SP4: variants seen among roughly 807,000 people sequenced by gnomAD.
SP4 encodes Sp4 transcription factor.
In SP4, 19 loss-of-function variants were observed where a neutral mutation model predicts 72.8. The observed-to-expected ratio is 0.26, with a 90% CI of 0.18 to 0.38. The LOEUF (loss-of-function observed/expected upper bound fraction) is 0.38. SP4 is among the 10% of genes least tolerant of loss of function. The pLI is 1.00. For missense variants in SP4, 1,008 were observed against 926.3 expected, an observed-to-expected ratio of 1.09 and a Z score of -1.14; for synonymous variants, 395 against 333.1, an observed-to-expected ratio of 1.19 and a Z score of -2.02.
intron 5 of SP4, among the ~76,000 whole-genome samples, chr7:21,500,158 TCA>T (rs917332749): frequency 6.6e-6 from 1 of 152,218 alleles, no homozygotes; most frequent in Non-Finnish European, 1.5e-5. Flanking sequence ...TTTCCTATAC[TCA>T]GTTTATTAAA....
chr7:21,456,887 G>C (rs1452039079), intron 3 of SP4, among the ~76,000 whole-genome samples: 1 of 152,214 alleles, frequency 6.6e-6, no homozygotes, highest in African/African-American at 2.4e-5. Context: ...CTATCTGTCA[G>C]GGTGAACTGA....
intron 1 of SP4, 88 bp from the exon 2 acceptor site, chr7:21,428,589 A>C: frequency 5.1e-6 from 6 of 1,166,342 alleles, no homozygotes; most frequent in Non-Finnish European, 7.2e-6. Flanking sequence ...GTTCGGGGGG[A>C]GGGGGGAGAA....
chr7:21,470,752 A>G (rs1310568341), intron 3 of SP4, among the ~76,000 whole-genome samples: 1 of 146,964 alleles, frequency 6.8e-6, no homozygotes, highest in African/African-American at 2.5e-5. Context: ...ATATTTGGAA[A>G]AAAAAAAAAA....
In SP4 at chr7:21,430,254, A is replaced by C. The variant is rs750232765; in HGVS notation, c.1089A>C (p.Gln363His). 21 of 1,614,214 alleles carry C rather than the reference A, an allele frequency of 1.3e-5. No individual in the cohort carries two copies. In the South Asian group the frequency reaches 2.1e-4, roughly 16 times the overall value. Residue 363 changes from glutamine (Q) to histidine (H), a missense_variant, in exon 3 of 6, where the codon CAA becomes CAC. Gln to His is a conservative substitution (Grantham distance 24). Transcript: ENST00000222584. ...CTGAACGCACCATTGAAGAATCTCA[A>C]ACACCTGCTGCTACTGAGTCTGAAG... ...SSSERTIEES[Q>H]TPAATESEAQ...
intron 5 of SP4, among the ~76,000 whole-genome samples, chr7:21,501,830 T>C (rs1781869447): frequency 6.6e-6 from 1 of 152,226 alleles, no homozygotes; most frequent in African/African-American, 2.4e-5. Context: ...TAGTATCATG[T>C]CTAGCGCAAG....
chr7:21,490,243 G>A (rs1220904068), intron 5 of SP4, among the ~76,000 whole-genome samples: 1 of 152,118 alleles, frequency 6.6e-6, no homozygotes, highest in African/African-American at 2.4e-5. Flanking sequence ...TTGTCTCCCA[G>A]GTTTAACCCT....
chr7:21,442,666 AG>A (rs1382040832), intron 3 of SP4, among the ~76,000 whole-genome samples: 1 of 152,234 alleles, frequency 6.6e-6, no homozygotes, highest in Non-Finnish European at 1.5e-5. Context: ...TTACCATATC[AG>A]AAGGAAGAAA....
At chr7:21,454,911 C>G (rs963510793) in intron 3 of SP4, among the ~76,000 whole-genome samples, 3 of 152,188 alleles carry the variant, frequency 2.0e-5, no homozygotes, top group Admixed American at 1.3e-4. Context: ...CCCCCATTAC[C>G]TGACAGGATT....
At chr7:21,461,605 C>T (rs529307819) in intron 3 of SP4, among the ~76,000 whole-genome samples, 11 of 152,318 alleles carry the variant, frequency 7.2e-5, no homozygotes, top group South Asian at 4.1e-4. Flanking sequence ...CGCGCAGCCC[C>T]GGTTGCCACC....
At chr7:21,459,825 T>C in intron 3 of SP4, among the ~76,000 whole-genome samples, 1 of 152,234 alleles carries the variant, frequency 6.6e-6, no homozygotes, top group East Asian at 1.9e-4. Flanking sequence ...ATTCCTTAAA[T>C]TCCTACTAAG....
intron 3 of SP4, among the ~76,000 whole-genome samples, chr7:21,470,788 A>G (rs1435600313): frequency 6.6e-6 from 1 of 151,710 alleles, no homozygotes; most frequent in Non-Finnish European, 1.5e-5. Context: ...AAAAAGGAAT[A>G]AGAAAGATGG....
chr7:21,467,498 G>A (rs895719816), intron 3 of SP4, among the ~76,000 whole-genome samples: 35 of 151,980 alleles, frequency 2.3e-4, no homozygotes, highest in African/African-American at 8.0e-4. Context: ...ACCCTTATTA[G>A]CAGTCATTCC....
chr7:21,461,445 G>T (rs900831944), intron 3 of SP4, among the ~76,000 whole-genome samples: 1 of 152,196 alleles, frequency 6.6e-6, no homozygotes, highest in Non-Finnish European at 1.5e-5. Flanking sequence ...TACTGCTGGG[G>T]GACCCGGCGC....
intron 3 of SP4, among the ~76,000 whole-genome samples, chr7:21,441,992 A>G (rs1262480867): frequency 1.9e-5 from 2 of 107,736 alleles, no homozygotes; most frequent in Non-Finnish European, 3.9e-5. Flanking sequence ...ATTTCATTTT[A>G]TGTGTGTGTG....
chr7:21,473,990 C>G (rs1335156799), intron 3 of SP4, among the ~76,000 whole-genome samples: 1 of 152,108 alleles, frequency 6.6e-6, no homozygotes, highest in African/African-American at 2.4e-5. Flanking sequence ...TAGATGAAGT[C>G]AATTAACGGG....
At position 21,430,082 on chromosome 7, in the gene SP4, A is replaced by G. The variant is rs149672683; in HGVS notation, c.917A>G (p.Asn306Ser). 6,642 of 1,614,146 alleles carry G rather than the reference A, an allele frequency of 4.1e-3. 427 individuals are homozygous for G. The Admixed American group carries it at 0.1, about 25-fold the overall frequency. Residue 306 changes from asparagine to serine, a missense_variant, in exon 3 of 6, where the codon AAC becomes AGC. This residue lies in a region of SP4 where 893 missense variants were observed against 743.3 expected (regional missense o/e 1.20). Coordinates refer to ENST00000222584, the MANE Select transcript of SP4 (RefSeq NM_003112.5). ...AATCAATTAGTTTCCACACCCACCAACACCACTACTTCTGCCAGTACTATG... is the reference window on the plus strand; with the variant it reads ...AATCAATTAGTTTCCACACCCACCAGCACCACTACTTCTGCCAGTACTATG... The part of the protein sequence containing the change: ...NGNQLVSTPT[N>S]TTTSASTMPE...
chr7:21,451,353 A>G (rs1783594961), intron 3 of SP4, among the ~76,000 whole-genome samples: 1 of 152,162 alleles, frequency 6.6e-6, no homozygotes, highest in Non-Finnish European at 1.5e-5. Context: ...GCGACAGTTT[A>G]ACAACTGCCT....
At chr7:21,447,906 A>G (rs1285337719) in intron 3 of SP4, among the ~76,000 whole-genome samples, 1 of 152,144 alleles carries the variant, frequency 6.6e-6, no homozygotes, top group Non-Finnish European at 1.5e-5. Context: ...CTGGGCTTGA[A>G]TTCCTGACCT....
chr7:21,504,503 C>G (rs761113950), intron 5 of SP4, among the ~76,000 whole-genome samples: 1 of 152,092 alleles, frequency 6.6e-6, no homozygotes. Flanking sequence ...ATCTCTCGTT[C>G]GTCACAACTC....
Sources: gnomAD v4.1 joint callset for allele counts (sites outside exome capture counted in the v4.1 genomes callset) on GRCh38, gnomAD v4.1.1 for gene constraint, gnomAD v4.1.1 regional missense constraint, MANE v1.5 for transcripts, NCBI Gene and HGNC (gene_info 2026-07-23, HGNC 2026-07-21) for gene names.